UBE2K: variants seen among roughly 807,000 people sequenced by gnomAD.
UBE2K encodes ubiquitin-conjugating enzyme E2 K.
In UBE2K, 6 loss-of-function variants were observed where a neutral mutation model predicts 30.0. That is an observed-to-expected ratio of 0.20 (90% CI 0.11 to 0.39). The LOEUF (loss-of-function observed/expected upper bound fraction) is 0.39. Ranked by LOEUF, UBE2K falls within the 10% of genes least tolerant of loss-of-function variation. The pLI is 1.00. For missense variants in UBE2K, 61 were observed against 241.6 expected (o/e 0.25, Z 4.96); for synonymous variants, 86 against 83.7 (o/e 1.03, Z -0.15).
intron 3 of UBE2K, among the ~76,000 whole-genome samples, chr4:39,749,821 A>G (rs1185512782): frequency 1.3e-5 from 2 of 152,244 alleles, no homozygotes; most frequent in East Asian, 1.9e-4. Flanking sequence ...CATATTCAAA[A>G]TAGCATTTTC....
chr4:39,737,208 T>G (rs944512060), intron 1 of UBE2K, among the ~76,000 whole-genome samples: 1 of 152,194 alleles, frequency 6.6e-6, no homozygotes, highest in Admixed American at 6.5e-5. Flanking sequence ...CATAGTGGTG[T>G]TATTTCGTTT....
chr4:39,758,430 C>T (rs770673547), intron 4 of UBE2K, among the ~76,000 whole-genome samples: 7 of 152,196 alleles, frequency 4.6e-5, no homozygotes, highest in East Asian at 1.9e-4. Context: ...GTAATTCCAA[C>T]GCTTTAGAAG....
At position 39,771,321 on chromosome 4, in the gene UBE2K, G is replaced by A. The variant is rs769656248; in HGVS notation, c.300-3513G>A. 129 of 1,612,118 alleles carry A rather than the reference G, an allele frequency of 8.0e-5. 2 individuals are homozygous for A. The South Asian group carries it at 1.3e-3, about 16-fold the overall frequency. ...TGTGGCCTCGAAACTTGAGGCTGTC[G>A]GCCACAATGGTCACGTCGCAGAACC... On this transcript the variant is annotated intron_variant, in intron 4 of 6. Transcript: ENST00000261427.
intron 1 of UBE2K, among the ~76,000 whole-genome samples, chr4:39,720,281 T>A (rs2109325967): frequency 6.6e-6 from 1 of 151,806 alleles, no homozygotes; most frequent in South Asian, 2.1e-4. Flanking sequence ...TGATGGAATG[T>A]CCAAGCCCAA....
chr4:39,752,588 G>A (rs1330269193), intron 3 of UBE2K, among the ~76,000 whole-genome samples: 3 of 151,884 alleles, frequency 2.0e-5, no homozygotes, highest in Non-Finnish European at 4.4e-5. Flanking sequence ...CACCTGCCTC[G>A]CCCTCCCAAA....
chr4:39,771,416 G>A, intron 4 of UBE2K: 2 of 1,609,368 alleles, frequency 1.2e-6, no homozygotes, highest in South Asian at 2.2e-5. Flanking sequence ...TGGAAGCGCA[G>A]GACTTCACCC....
At chr4:39,756,627 A>ATT (rs972682788) in intron 4 of UBE2K, among the ~76,000 whole-genome samples, 2 of 150,998 alleles carry the variant, frequency 1.3e-5, no homozygotes, top group Non-Finnish European at 3.0e-5. Flanking sequence ...TAATGTTTGT[A>ATT]TTTTTTTTAG....
intron 4 of UBE2K, among the ~76,000 whole-genome samples, chr4:39,764,689 A>G (rs548058137): frequency 2.0e-5 from 3 of 152,066 alleles, no homozygotes; most frequent in Admixed American, 6.6e-5. Context: ...TGACTTCCCA[A>G]AGTGCTAGGA....
rs531372270 is a variant in UBE2K, at chr4:39,778,615, G to A, written c.*181G>A. 12 of 455,962 alleles carry A rather than the reference G, an allele frequency of 2.6e-5. No individual in the cohort carries two copies. Among genetic ancestry groups the A allele is most frequent in the South Asian group, 1.8e-4 (4 of 22,550 alleles). 28.2% of individuals were successfully genotyped at this position (455,962 alleles called of 1,614,324 possible). The stretch of plus-strand genomic sequence containing the variant: ...GCTCTGTAAATAAAGCTAATTAAAC[G>A]TCTGTGTAAATTTAAAAAGGGGAAA... On this transcript the variant is annotated 3_prime_UTR_variant, in exon 7 of 7. Coordinates refer to ENST00000261427, the MANE Select transcript of UBE2K (RefSeq NM_005339.5).
intron 1 of UBE2K, among the ~76,000 whole-genome samples, chr4:39,718,431 C>T (rs1313242620): frequency 6.6e-6 from 1 of 152,252 alleles, no homozygotes; most frequent in African/African-American, 2.4e-5. Context: ...CCACTAGACT[C>T]AGGAGCCCAG....
chr4:39,724,370 G>T (rs1007422601), intron 1 of UBE2K, among the ~76,000 whole-genome samples: 2 of 151,864 alleles, frequency 1.3e-5, no homozygotes, highest in African/African-American at 4.8e-5. Flanking sequence ...TTCCCAAAGT[G>T]CTGGGATTAC....
intron 1 of UBE2K, among the ~76,000 whole-genome samples, chr4:39,725,321 T>G (rs148090015): frequency 1.9e-4 from 26 of 136,270 alleles, no homozygotes; most frequent in African/African-American, 7.0e-4. Flanking sequence ...CAGTTTGCAG[T>G]GAGCCATGAT....
chr4:39,713,895 T>C (rs1210892822), intron 1 of UBE2K: 3 of 152,172 alleles, frequency 2.0e-5, no homozygotes, highest in Admixed American at 2.0e-4. Flanking sequence ...GAGCAGCTTT[T>C]TTTTTTAAGA....
intron 1 of UBE2K, among the ~76,000 whole-genome samples, chr4:39,735,837 TAAA>T (rs942314506): frequency 6.6e-6 from 1 of 151,938 alleles, no homozygotes; most frequent in Non-Finnish European, 1.5e-5. Flanking sequence ...CAGAAAAATG[TAAA>T]AAAAAGTACT....
At chr4:39,736,796 AAGC>A (rs945295273) in intron 1 of UBE2K, among the ~76,000 whole-genome samples, 2 of 152,234 alleles carry the variant, frequency 1.3e-5, no homozygotes, top group Admixed American at 1.3e-4. Flanking sequence ...TTAATAAACT[AAGC>A]AGAAAAACAA....
At chr4:39,722,944 C>T (rs1316382867) in intron 1 of UBE2K, among the ~76,000 whole-genome samples, 1 of 151,890 alleles carries the variant, frequency 6.6e-6, no homozygotes, top group African/African-American at 2.4e-5. Flanking sequence ...TACAGGCGCG[C>T]ACCACCACAC....
intron 1 of UBE2K, among the ~76,000 whole-genome samples, chr4:39,704,017 TA>T (rs1246587882): frequency 1.3e-5 from 2 of 152,088 alleles, no homozygotes; most frequent in Non-Finnish European, 2.9e-5. Context: ...GTTTTTCTTT[TA>T]AAATTTCTCG....
chr4:39,778,030 C>T (rs140883281), intron 6 of UBE2K, among the ~76,000 whole-genome samples: 141 of 129,970 alleles, frequency 1.1e-3, no homozygotes, highest in Middle Eastern at 4.8e-3. Flanking sequence ...CCCAGGAGGT[C>T]GAGGCTGCAG....
intron 4 of UBE2K, among the ~76,000 whole-genome samples, chr4:39,768,447 C>CAAAA (rs35005914): frequency 0.099 from 8,662 of 87,756 alleles, 399 homozygotes; most frequent in East Asian, 0.25. Flanking sequence ...ACTTCGTTTC[C>CAAAA]AAAAAAAAAA....
Sources: gnomAD v4.1 joint callset for allele counts (sites outside exome capture counted in the v4.1 genomes callset) on GRCh38, gnomAD v4.1.1 for gene constraint, MANE v1.5 for transcripts, NCBI Gene and HGNC (gene_info 2026-07-23, HGNC 2026-07-21) for gene names.